The following MILR1 variants were observed in gnomAD, a reference collection of about 807,000 sequenced individuals.
MILR1 encodes mast cell immunoglobulin like receptor 1, also known as allergin-1.
In MILR1, 31 loss-of-function variants were observed where a neutral mutation model predicts 18.5. The observed-to-expected ratio is 1.68, with a 90% CI of 1.26 to 2.26. MILR1 has a LOEUF of 2.26. MILR1 is among the 30% of genes most tolerant of loss of function. MILR1 has a pLI of 0.00. For synonymous variants in MILR1, 85 were observed against 56.2 expected, an observed-to-expected ratio of 1.51 and a Z score of -2.30; for missense variants, 257 against 157.4, an observed-to-expected ratio of 1.63 and a Z score of -3.38.
At chr17:64,483,406 TCAG>T in the MILR1 span, among the ~76,000 whole-genome samples, 317 of 151,982 alleles carry the variant, frequency 2.1e-3, 1 homozygote, top group African/African-American at 7.3e-3. Context: ...TCCCAGCTAC[TCAG>T]GCGGCTGAGG....
At chr17:64,482,175 C>A in the MILR1 span, among the ~76,000 whole-genome samples, 1 of 146,450 alleles carries the variant, frequency 6.8e-6, no homozygotes, top group Non-Finnish European at 1.5e-5. Context: ...GCGATCTCGG[C>A]TCACTGCAAC....
downstream of MILR1, among the ~76,000 whole-genome samples, chr17:64,472,491 A>AAAAAAAG (rs1555664752): frequency 6.7e-6 from 1 of 150,064 alleles, no homozygotes; most frequent in African/African-American, 2.5e-5. Flanking sequence ...AAAAAAAAAA[A>AAAAAAAG]AAAAAAGAAT....
the MILR1 span, among the ~76,000 whole-genome samples, chr17:64,494,900 G>A: frequency 7.9e-5 from 12 of 152,298 alleles, no homozygotes; most frequent in African/African-American, 2.6e-4. Context: ...GAGGCCGGGC[G>A]CAGTGGCTCA....
Position 64,450,138 on chromosome 17 carries a change from CAT to C in MILR1, c.97+784_97+785del, listed in dbSNP as rs2037135316. On this transcript the variant is annotated intron_variant, in intron 2 of 9. Transcript: ENST00000619286. ...TATTTTTTGTAGAGACGGGGTTTCA[CAT>C]CGTTAGCCAGGATGGTCTCGATCTC... Among the ~76,000 whole-genome samples, 527 of 152,106 alleles carry C rather than the reference CAT, an allele frequency of 3.5e-3. 2 individuals are homozygous for C. The highest frequency in any genetic ancestry group is 3.0e-3 in the Non-Finnish European group (207 of 67,970).
At chr17:64,480,305 C>A in the MILR1 span, 1 of 1,553,382 alleles carries the variant, frequency 6.4e-7, no homozygotes, top group Non-Finnish European at 8.9e-7. Context: ...TAAAGTTGTT[C>A]CAATGAGGAC....
the MILR1 span, among the ~76,000 whole-genome samples, chr17:64,486,361 CTT>C: frequency 2.8e-5 from 4 of 141,288 alleles, no homozygotes; most frequent in African/African-American, 2.5e-5. Context: ...AAAGGTAACA[CTT>C]TTTTTTTTTT....
chr17:64,461,328 G>A (rs1353078576), intron 5 of MILR1, among the ~76,000 whole-genome samples: 1 of 151,798 alleles, frequency 6.6e-6, no homozygotes, highest in African/African-American at 2.4e-5. Flanking sequence ...GCTCACTGCA[G>A]CTTCCGCCTC....
the MILR1 span, among the ~76,000 whole-genome samples, chr17:64,477,085 ATACTC>A: frequency 2.6e-5 from 4 of 152,236 alleles, no homozygotes; most frequent in Non-Finnish European, 4.4e-5. Flanking sequence ...AAATCCGTAA[ATACTC>A]TAAGTTTTAA....
chr17:64,490,060 G>A, the MILR1 span, among the ~76,000 whole-genome samples: 3 of 152,004 alleles, frequency 2.0e-5, no homozygotes, highest in Non-Finnish European at 2.9e-5. Context: ...AAGTAGCTGA[G>A]ACTATAAGGG....
intron 5 of MILR1, among the ~76,000 whole-genome samples, 191 bp from the exon 6 acceptor site, chr17:64,465,261 C>T (rs2037526976): frequency 1.3e-5 from 2 of 152,116 alleles, no homozygotes; most frequent in Non-Finnish European, 2.9e-5. Context: ...CAGAACAGCC[C>T]CTGGCTTGGA....
Position 64,468,484 on chromosome 17 carries a change from TCACTATGG to T in MILR1, c.*204_*211del. ...TTGTATTTTTAGTAGAGATGGGGTTTCACTATGGTGGCCAGGCTGGTCTTGAACTCCTG... is the reference window on the plus strand; with the variant it reads ...TTGTATTTTTAGTAGAGATGGGGTTTTGGCCAGGCTGGTCTTGAACTCCTG... On this transcript the variant is annotated 3_prime_UTR_variant, in exon 10 of 10. Transcript: ENST00000619286. 7.3e-6 allele frequency: 3 copies of T among 410,414 alleles called. No homozygotes were observed. Among genetic ancestry groups the T allele is most frequent in the Non-Finnish European group, 1.3e-5 (3 of 232,942 alleles). 25.4% of individuals were successfully genotyped at this position (410,414 alleles called of 1,614,324 possible).
At chr17:64,460,152 A>C (rs2037400405) in intron 4 of MILR1, among the ~76,000 whole-genome samples, 1 of 151,770 alleles carries the variant, frequency 6.6e-6, no homozygotes, top group African/African-American at 2.4e-5. Flanking sequence ...CAGCCTCCCA[A>C]GTAGCTGGAA....
At chr17:64,483,453 G>A in the MILR1 span, among the ~76,000 whole-genome samples, 1 of 151,556 alleles carries the variant, frequency 6.6e-6, no homozygotes, top group Non-Finnish European at 1.5e-5. Flanking sequence ...GGTCAAGGCT[G>A]CAGTGAGCCA....
At chr17:64,478,761 G>A in the MILR1 span, among the ~76,000 whole-genome samples, 2 of 151,970 alleles carry the variant, frequency 1.3e-5, no homozygotes, top group African/African-American at 2.4e-5. Context: ...GCTGGGCGTG[G>A]TGGCAGGCGC....
At chr17:64,467,520 C>A (rs1555663664) in intron 8 of MILR1, 45 bp from the exon 9 acceptor site, 2 of 1,216,066 alleles carry the variant, frequency 1.6e-6, no homozygotes, top group East Asian at 2.5e-5. Flanking sequence ...AACAGCCTTG[C>A]TGGTCACATA....
downstream of MILR1, among the ~76,000 whole-genome samples, chr17:64,469,321 G>A (rs1351900014): frequency 6.6e-6 from 1 of 152,156 alleles, no homozygotes; most frequent in Non-Finnish European, 1.5e-5. Flanking sequence ...GTAGAGTCCT[G>A]TGGGATCCAA....
chr17:64,466,339 C>T (rs546436829), intron 6 of MILR1, 103 bp from the exon 7 acceptor site: 26 of 935,622 alleles, frequency 2.8e-5, no homozygotes, highest in South Asian at 5.6e-5. Context: ...TGGAACAGTC[C>T]CAGCCTACAT....
At chr17:64,491,599 T>C in the MILR1 span, 3 of 1,545,118 alleles carry the variant, frequency 1.9e-6, no homozygotes, top group Non-Finnish European at 1.8e-6. Context: ...TGGATCTTGA[T>C]GTGGGACTTC....
chr17:64,452,993 CT>C, intron 3 of MILR1, 127 bp downstream of exon 3: 2 of 408,968 alleles, frequency 4.9e-6, no homozygotes, highest in South Asian at 1.4e-4. Context: ...GAGCTTTATT[CT>C]TTTTTTATTT....
Sources: gnomAD v4.1 joint callset for allele counts (sites outside exome capture counted in the v4.1 genomes callset) on GRCh38, gnomAD v4.1.1 for gene constraint, MANE v1.5 for transcripts, NCBI Gene and HGNC (gene_info 2026-07-23, HGNC 2026-07-21) for gene names.